The following CDH13 variants were observed in gnomAD, a reference collection of about 807,000 sequenced individuals.
CDH13 encodes cadherin-13.
Under a neutral mutation model 63.8 loss-of-function variants are expected in CDH13, and 24 were observed. The observed-to-expected ratio is 0.38, with a 90% confidence interval of 0.27 to 0.53. The LOEUF is 0.53. Among genes scored for constraint, CDH13 ranks in the 20% least tolerant of loss-of-function variants. The pLI, the probability that CDH13 is intolerant of heterozygous loss-of-function variation, is 0.85. For synonymous variants in CDH13, 503 were observed against 355.3 expected (o/e 1.42, Z -4.67); for missense variants, 1,049 against 903.1 (o/e 1.16, Z -2.07).
At chr16:83,035,504 A>G (rs1916767497) in intron 3 of CDH13, among the ~76,000 whole-genome samples, 1 of 152,132 alleles carries the variant, frequency 6.6e-6, no homozygotes, top group Non-Finnish European at 1.5e-5. Context: ...GTGAGTTTTT[A>G]CTGATTTTAC....
rs959296298 is a variant in CDH13 at position 83,703,143 on chromosome 16, G to C, written c.1538+24682G>C. On this transcript the variant is annotated intron_variant, in intron 10 of 13. Coordinates refer to ENST00000567109, the MANE Select transcript of CDH13 (RefSeq NM_001257.5). ...CCAAGGAAACATATTGTATTGAGTA[G>C]TGCTTTAAAGAACAGGCAAGGAATG... is the stretch of plus-strand genomic sequence containing the variant. Among the ~76,000 whole-genome samples, 5 of 152,336 alleles carry C rather than the reference G, an allele frequency of 3.3e-5. 1 individual carries two copies. The South Asian group carries it at 1.0e-3, about 32-fold the overall frequency.
intron 5 of CDH13, among the ~76,000 whole-genome samples, chr16:83,254,004 G>A (rs1242473953): frequency 2.6e-5 from 4 of 152,220 alleles, no homozygotes; most frequent in African/African-American, 7.2e-5. Flanking sequence ...AGCACCGTGA[G>A]GCCAAGAGAA....
At chr16:83,603,939 G>C (rs960516455) in intron 8 of CDH13, among the ~76,000 whole-genome samples, 2 of 152,078 alleles carry the variant, frequency 1.3e-5, no homozygotes, top group African/African-American at 4.8e-5. Flanking sequence ...AGAGAGCAAA[G>C]GGGAAGGTGC....
chr16:83,409,922 G>A (rs1344153525), intron 6 of CDH13, among the ~76,000 whole-genome samples: 1 of 152,226 alleles, frequency 6.6e-6, no homozygotes, highest in East Asian at 1.9e-4. Context: ...TGGAATTTCT[G>A]AATTACAAGC....
rs1212559076 is a variant in CDH13, at chr16:83,490,930, C to G, written c.960+4275C>G. Among the ~76,000 whole-genome samples the G allele has an allele frequency of 2.6e-5, 4 of 152,220 alleles. No homozygotes were observed. In the East Asian group the frequency reaches 5.8e-4, roughly 22 times the overall value. ...GGGACCTTGGATTTCTGTTCTCTCT[C>G]TCTATTCCCATTGCCAAATATAGCA... On this transcript the variant is annotated intron_variant, in intron 7 of 13. Coordinates refer to ENST00000567109, the MANE Select transcript of CDH13 (RefSeq NM_001257.5).
intron 2 of CDH13, among the ~76,000 whole-genome samples, chr16:83,005,672 C>A (rs555809152): frequency 2.0e-5 from 3 of 152,342 alleles, no homozygotes; most frequent in Admixed American, 1.3e-4. Flanking sequence ...CTCATCACAG[C>A]TCATGCATGC....
chr16:83,773,062 TGG>T (rs1914864410), intron 11 of CDH13: 1 of 152,186 alleles, frequency 6.6e-6, no homozygotes, highest in Non-Finnish European at 1.5e-5. Context: ...TGTTTGCTAA[TGG>T]GTGTTTACTG....
intron 1 of CDH13, among the ~76,000 whole-genome samples, chr16:82,716,297 C>A (rs1055974074): frequency 6.6e-6 from 1 of 152,076 alleles, no homozygotes; most frequent in African/African-American, 2.4e-5. Flanking sequence ...CCATCCCGAG[C>A]CTGCTTTTCC....
In CDH13 at chr16:82,664,886, T is replaced by A. The variant is rs758811382; in HGVS notation, c.45+37749T>A. Among the ~76,000 whole-genome samples, 74 of 152,326 alleles carry A rather than the reference T, an allele frequency of 4.9e-4. 1 individual carries two copies. The highest frequency in any genetic ancestry group is 8.4e-4 in the Non-Finnish European group (57 of 68,036). On this transcript the variant is annotated intron_variant, in intron 1 of 13. Transcript: ENST00000567109. ...ATATATATTCTTACATATTTGTGGG[T>A]ATGTATGAATACATGTATATATGCA...
chr16:83,124,744 A>T (rs892015287), intron 3 of CDH13, among the ~76,000 whole-genome samples: 1 of 152,118 alleles, frequency 6.6e-6, no homozygotes, highest in African/African-American at 2.4e-5. Context: ...CCAATTTTCC[A>T]TATGGGTGTT....
At chr16:83,653,255 A>T (rs1195188109) in intron 8 of CDH13, among the ~76,000 whole-genome samples, 1 of 152,174 alleles carries the variant, frequency 6.6e-6, no homozygotes, top group African/African-American at 2.4e-5. Flanking sequence ...CTGTGAATGT[A>T]CTGGAATCCA....
intron 8 of CDH13, among the ~76,000 whole-genome samples, chr16:83,609,984 G>C (rs1159663712): frequency 6.6e-6 from 1 of 152,136 alleles, no homozygotes; most frequent in Non-Finnish European, 1.5e-5. Context: ...GTGGTCCTTT[G>C]TGACTGGCTT....
chr16:83,324,172 G>A (rs530985126), intron 5 of CDH13, among the ~76,000 whole-genome samples: 11 of 151,998 alleles, frequency 7.2e-5, no homozygotes, highest in Admixed American at 6.5e-4. Context: ...GAGTATCTGC[G>A]ATGACAGGCA....
chr16:82,927,954 A>T (rs957474104), intron 2 of CDH13, among the ~76,000 whole-genome samples: 8 of 152,196 alleles, frequency 5.3e-5, no homozygotes, highest in African/African-American at 1.7e-4. Context: ...GACATGGTCT[A>T]GTTGGGGAGA....
intron 4 of CDH13, among the ~76,000 whole-genome samples, chr16:83,141,631 G>A (rs2036533586): frequency 6.6e-6 from 1 of 152,004 alleles, no homozygotes; most frequent in African/African-American, 2.4e-5. Flanking sequence ...TAAGCCCCGT[G>A]TGCATTAGGT....
At chr16:83,314,500 A>G (rs2090065686) in intron 5 of CDH13, among the ~76,000 whole-genome samples, 1 of 152,176 alleles carries the variant, frequency 6.6e-6, no homozygotes, top group African/African-American at 2.4e-5. Flanking sequence ...TTCATTAAAT[A>G]TGATCAATAT....
At position 83,598,233 on chromosome 16, in the gene CDH13, C is replaced by T. The variant is rs140138294; in HGVS notation, c.961-4221C>T. Among the ~76,000 whole-genome samples, 533 of 152,008 alleles carry T rather than the reference C, an allele frequency of 3.5e-3. 4 individuals carry two copies. Among genetic ancestry groups the T allele is most frequent in the African/African-American group, 0.012 (500 of 41,436 alleles). ...TACAAAAATTAGCTGGGTGTGGTGG[C>T]GTGTGATTATAGTCCCAGCTACTCA... On this transcript the variant is annotated intron_variant, in intron 7 of 13. Coordinates refer to ENST00000567109, the MANE Select transcript of CDH13 (RefSeq NM_001257.5).
chr16:82,827,020 T>C lies in CDH13; in HGVS notation c.46-31342T>C, dbSNP rs146013962. 4.3e-3 allele frequency among the ~76,000 whole-genome samples: 657 copies of C among 152,352 alleles called. 7 individuals are homozygous for C. Among genetic ancestry groups the C allele is most frequent in the African/African-American group, 0.015 (611 of 41,584 alleles). ...GAATTCATCCAGCCCCTGGCATGTTTTGCTTATCCTCTGCCTGATGATAAA... is the reference window on the plus strand; with the variant it reads ...GAATTCATCCAGCCCCTGGCATGTTCTGCTTATCCTCTGCCTGATGATAAA... On this transcript the variant is annotated intron_variant, in intron 1 of 13. Transcript: ENST00000567109.
chr16:82,689,573 C>G (rs190633100), intron 1 of CDH13, among the ~76,000 whole-genome samples: 218 of 152,262 alleles, frequency 1.4e-3, no homozygotes, highest in African/African-American at 5.1e-3. Flanking sequence ...CATATTTCTT[C>G]TACACTTGAA....
Sources: allele counts gnomAD v4.1 joint callset (sites outside exome capture counted in the v4.1 genomes callset), GRCh38; gene constraint gnomAD v4.1.1; transcripts MANE v1.5; gene names NCBI Gene and HGNC (gene_info 2026-07-23, HGNC 2026-07-21).